Variants in XKR6 observed in about 807,000 individuals in gnomAD.
XKR6 encodes the protein XK related 6.
In XKR6, 22 loss-of-function variants were observed where a neutral mutation model predicts 56.7. The observed-to-expected ratio is 0.39, with a 90% CI of 0.28 to 0.55. The LOEUF is 0.55. Among genes scored for constraint, XKR6 ranks in the 20% least tolerant of loss-of-function variants. The pLI is 0.66. For missense variants in XKR6, 852 were observed against 889.0 expected (o/e 0.96, Z 0.53); for synonymous variants, 524 against 387.8 (o/e 1.35, Z -4.13).
At chr8:11,122,886 T>C (rs1261998539) in intron 1 of XKR6, among the ~76,000 whole-genome samples, 5 of 152,220 alleles carry the variant, frequency 3.3e-5, no homozygotes, top group African/African-American at 9.6e-5. Flanking sequence ...ACAATTCATG[T>C]AGCAATGGAA....
chr8:10,948,731 C>A (rs1249262874), intron 1 of XKR6, among the ~76,000 whole-genome samples: 1 of 152,216 alleles, frequency 6.6e-6, no homozygotes, highest in Non-Finnish European at 1.5e-5. Context: ...CCCGCACTCC[C>A]ACCCCGGCGT....
In XKR6 at chr8:11,041,876, C is replaced by T. The variant is rs551729984; in HGVS notation, c.765-117046G>A. ...TTTTCTCTCTGCACCAACACATATA[C>T]ACACACACATACATATATAAACACA... On this transcript the variant is annotated intron_variant, in intron 1 of 2. Coordinates refer to ENST00000416569, the MANE Select transcript of XKR6 (RefSeq NM_173683.4). Among the ~76,000 whole-genome samples the T allele has an allele frequency of 2.6e-5, 4 of 152,266 alleles. No individual in the cohort carries two copies. In the East Asian group the frequency reaches 7.7e-4, roughly 29 times the overall value.
intron 1 of XKR6, among the ~76,000 whole-genome samples, chr8:11,057,213 GC>G (rs554428136): frequency 5.5e-4 from 84 of 152,160 alleles, no homozygotes; most frequent in African/African-American, 2.0e-3. Flanking sequence ...TCTATAAGGA[GC>G]CCCCCTACTC....
In XKR6 at chr8:11,200,870, C is replaced by G. The variant is rs746990214; in HGVS notation, c.470G>C (p.Gly157Ala). The G allele has an allele frequency of 6.2e-7, 1 of 1,611,770 alleles. No homozygotes were observed. The change falls in exon 1 of 3, where the codon GGG (glycine) becomes GCG (alanine). Residue 157 changes from glycine to alanine, a missense_variant. Physicochemically the swap from Gly to Ala is moderately conservative, Grantham distance 60. Coordinates refer to ENST00000416569, the MANE Select transcript of XKR6 (RefSeq NM_173683.4). This position sits in a 1 kb window ranked among gnomAD's most constrained non-coding sequence, Gnocchi z 6.4. ...GGTCAGCCCGAAGTAGACGTAGTCC[C>G]CCTTGCGGTAGTAGTCGAGGGCCAG... Reference protein sequence around the residue: ...LWLALDYYRKGDYVYFGLTLF... With the variant: ...LWLALDYYRKADYVYFGLTLF...
Position 11,201,086 on chromosome 8 carries a change from C to T in XKR6, c.254G>A (p.Ser85Asn). Reference protein sequence around the residue: ...RSLLGRKPRRSAAADGGDQPL... With the variant: ...RSLLGRKPRRNAAADGGDQPL... ...CTGGTCCCCCCCGTCGGCGGCGGCGCTGCGGCGCGGCTTCCTGCCCAGGAG... is the reference window on the plus strand; with the variant it reads ...CTGGTCCCCCCCGTCGGCGGCGGCGTTGCGGCGCGGCTTCCTGCCCAGGAG... The change falls in exon 1 of 3, where the codon AGC (serine) becomes AAC (asparagine). Residue 85 changes from serine (S) to asparagine (N), a missense_variant. This residue lies in a region of XKR6 where 417 missense variants were observed against 355.2 expected (regional missense o/e 1.17). Coordinates refer to ENST00000416569, the MANE Select transcript of XKR6 (RefSeq NM_173683.4). 1 of 1,386,788 alleles carries T rather than the reference C, an allele frequency of 7.2e-7. No individual in the cohort carries two copies. The highest frequency in any genetic ancestry group is 1.6e-5 in the South Asian group (1 of 63,866). 85.9% of individuals were successfully genotyped at this position (1,386,788 alleles called of 1,614,324 possible).
intron 1 of XKR6, among the ~76,000 whole-genome samples, chr8:11,133,338 T>A (rs1458652260): frequency 6.6e-6 from 1 of 152,096 alleles, no homozygotes; most frequent in Non-Finnish European, 1.5e-5. Flanking sequence ...ACTGTAGCAA[T>A]AATCGTTCCT....
chr8:10,991,661 G>A (rs2129140465), intron 1 of XKR6, among the ~76,000 whole-genome samples: 1 of 152,128 alleles, frequency 6.6e-6, no homozygotes, highest in East Asian at 1.9e-4. Context: ...ACTTGAGTGG[G>A]CAATCAGTGG....
Position 11,113,533 on chromosome 8 carries a change from A to C in XKR6, c.764+87043T>G, listed in dbSNP as rs537288116. ...CATATTTTAAAAAGTAAAATAAACA[A>C]ACACACACATACATAAAACATTACA... On this transcript the variant is annotated intron_variant, in intron 1 of 2. Transcript: ENST00000416569. Among the ~76,000 whole-genome samples, 25 of 152,316 alleles carry C rather than the reference A, an allele frequency of 1.6e-4. 2 individuals carry two copies. In the South Asian group the frequency reaches 4.1e-3, roughly 25 times the overall value.
intron 1 of XKR6, among the ~76,000 whole-genome samples, chr8:11,018,110 C>CA (rs1798667524): frequency 6.6e-6 from 1 of 152,174 alleles, no homozygotes; most frequent in Non-Finnish European, 1.5e-5. Context: ...CTCTGGATGT[C>CA]AAAGGGTTAC....
rs1800353361 is a variant in XKR6 at position 11,135,662 on chromosome 8, G to GA, written c.764+64913dup. ...AGGAACAGAAAATGGGTGAATTCAT[G>GA]AAAAAATGTCTGAAAACATGTACAT... On this transcript the variant is annotated intron_variant, in intron 1 of 2. Transcript: ENST00000416569. Among the ~76,000 whole-genome samples, 4 of 151,680 alleles carry GA rather than the reference G, an allele frequency of 2.6e-5. No homozygotes were observed. In the South Asian group the frequency reaches 8.3e-4, roughly 31 times the overall value.
chr8:10,986,103 A>T (rs1444297404), intron 1 of XKR6, among the ~76,000 whole-genome samples: 2 of 152,264 alleles, frequency 1.3e-5, no homozygotes, highest in African/African-American at 4.8e-5. Flanking sequence ...TCTACTGGAG[A>T]TATTACAAAG....
At chr8:10,978,031 G>T (rs545676090) in intron 1 of XKR6, among the ~76,000 whole-genome samples, 1 of 152,136 alleles carries the variant, frequency 6.6e-6, no homozygotes, top group East Asian at 1.9e-4. Context: ...TAGTGGGTCT[G>T]CCTTATTTAG....
chr8:10,957,674 C>T (rs192268492), intron 1 of XKR6, among the ~76,000 whole-genome samples: 10 of 152,292 alleles, frequency 6.6e-5, no homozygotes, highest in Admixed American at 4.6e-4. Flanking sequence ...TCACTCTGGG[C>T]AGCATGGCCC....
At chr8:11,187,838 G>A (rs1216469324) in intron 1 of XKR6, among the ~76,000 whole-genome samples, 2 of 152,134 alleles carry the variant, frequency 1.3e-5, no homozygotes, top group Non-Finnish European at 2.9e-5. Context: ...CTCCAAGAAT[G>A]AATCTACATA....
intron 1 of XKR6, among the ~76,000 whole-genome samples, chr8:10,990,687 C>A (rs982100321): frequency 6.6e-6 from 1 of 152,126 alleles, no homozygotes; most frequent in Non-Finnish European, 1.5e-5. Flanking sequence ...TCAAGCGATC[C>A]TCCCACCTAA....
At chr8:11,125,770 T>C (rs1448196534) in intron 1 of XKR6, 2 of 152,246 alleles carry the variant, frequency 1.3e-5, no homozygotes. Context: ...CTGTTCTACA[T>C]CTGTGCATCT....
intron 1 of XKR6, among the ~76,000 whole-genome samples, chr8:11,165,982 G>A (rs537020708): frequency 1.4e-5 from 2 of 147,518 alleles, no homozygotes; most frequent in African/African-American, 5.1e-5. Flanking sequence ...TTGAGATGGA[G>A]TCTCACTCTG....
At chr8:11,009,878 A>C (rs935967894) in intron 1 of XKR6, among the ~76,000 whole-genome samples, 2 of 152,262 alleles carry the variant, frequency 1.3e-5, no homozygotes, top group African/African-American at 4.8e-5. Context: ...AATGGTATGG[A>C]GTGTAGGGGA....
Position 10,897,785 on chromosome 8 carries a change from G to A in XKR6, c.*167C>T. On this transcript the variant is annotated 3_prime_UTR_variant, in exon 3 of 3. Transcript: ENST00000416569. ...GAAAGAAAGCTTATTTGAAGGGGTT[G>A]TGACTTATTAATTCTTTTTTTTTTG... is the stretch of plus-strand genomic sequence containing the variant. 1 of 804,852 alleles carries A rather than the reference G, an allele frequency of 1.2e-6. No homozygotes were observed. 49.9% of individuals were successfully genotyped at this position (804,852 alleles called of 1,614,324 possible). A position where few individuals can be genotyped will look rare whatever the true frequency, so the allele number is the denominator to read the frequency against.
Sources: gnomAD v4.1 joint callset for allele counts (sites outside exome capture counted in the v4.1 genomes callset) on GRCh38, gnomAD v4.1.1 for gene constraint, gnomAD v4.1.1 regional missense constraint, Gnocchi (gnomAD v3.1) non-coding constraint, MANE v1.5 for transcripts, NCBI Gene and HGNC (gene_info 2026-07-23, HGNC 2026-07-21) for gene names.